Variants in SLCO1B1 observed in about 807,000 individuals in gnomAD.
SLCO1B1 encodes the protein solute carrier organic anion transporter family member 1B1, also known as OATP-2.
A neutral mutation model predicts 70.1 loss-of-function variants in SLCO1B1; 81 were observed. The ratio of observed to expected loss-of-function variants is 1.16; its 90% CI spans 0.97 to 1.39. The LOEUF is 1.39. Among genes scored for constraint, SLCO1B1 ranks in the 40% most tolerant of loss-of-function variants. The pLI, the probability that SLCO1B1 is intolerant of heterozygous loss-of-function variation, is 0.00. For missense variants in SLCO1B1, 895 were observed against 799.6 expected (o/e 1.12, Z -1.44); for synonymous variants, 283 against 271.5 (o/e 1.04, Z -0.42).
intron 2 of SLCO1B1, among the ~76,000 whole-genome samples, chr12:21,155,099 A>ATT (rs11385923): frequency 6.6e-6 from 1 of 151,142 alleles, no homozygotes; most frequent in Non-Finnish European, 1.5e-5. Flanking sequence ...CTCAACCTGC[A>ATT]TTTTTTGTTT....
chr12:21,174,708 T>C lies in SLCO1B1; in HGVS notation c.358T>C (p.Tyr120His). The change falls in exon 4 of 15, where the codon TAT becomes CAT. Residue 120 changes from tyrosine (Y) to histidine (H), a missense_variant and splice_region_variant. Coordinates refer to ENST00000256958, the MANE Select transcript of SLCO1B1 (RefSeq NM_006446.5). ...TGCTTTGCCACATTTCTTCATGGGA[T>C]AGTAAGTGTTAAAAAAAAAAAAAAC... ...LTALPHFFMG[Y>H]YRYSKETNIN... The C allele has an allele frequency of 1.3e-6, 2 of 1,588,712 alleles. No individual in the cohort carries two copies. The highest frequency in any genetic ancestry group is 2.8e-5 in the African/African-American group (2 of 71,542).
At chr12:21,220,122 A>G (rs1022153751) in intron 12 of SLCO1B1, among the ~76,000 whole-genome samples, 3 of 152,156 alleles carry the variant, frequency 2.0e-5, no homozygotes, top group African/African-American at 7.2e-5. Context: ...GTGGCATGTG[A>G]GAAAGATAAT....
intron 7 of SLCO1B1, among the ~76,000 whole-genome samples, chr12:21,191,576 C>T (rs541537083): frequency 3.9e-5 from 6 of 152,128 alleles, no homozygotes; most frequent in African/African-American, 1.2e-4. Context: ...ATGCCATCTG[C>T]AAGTAGAGGC....
intron 8 of SLCO1B1, among the ~76,000 whole-genome samples, chr12:21,197,670 A>C (rs1193646642): frequency 6.6e-6 from 1 of 152,154 alleles, no homozygotes; most frequent in East Asian, 1.9e-4. Context: ...GTGAAATTAA[A>C]CTTAACTATT....
intron 7 of SLCO1B1, among the ~76,000 whole-genome samples, chr12:21,181,690 T>G (rs1007896808): frequency 6.6e-6 from 1 of 152,132 alleles, no homozygotes. Context: ...TAAAATGACA[T>G]CTACCTTCTT....
In SLCO1B1 at chr12:21,172,798, T is replaced by G. The variant is rs1440435874; in HGVS notation, c.226+7T>G. On this transcript the variant is annotated splice_region_variant and intron_variant, in intron 3 of 14. Coordinates refer to ENST00000256958, the MANE Select transcript of SLCO1B1 (RefSeq NM_006446.5). ...GACGGAAGCTTTGAAATTGGTAACA[T>G]TTATTTTCTATTTTAATAACCAAAC... is the stretch of plus-strand genomic sequence containing the variant. The G allele has an allele frequency of 1.2e-6, 2 of 1,610,708 alleles. No homozygotes were observed. The highest frequency in any genetic ancestry group is 1.7e-6 in the Non-Finnish European group (2 of 1,178,216).
intron 2 of SLCO1B1, among the ~76,000 whole-genome samples, chr12:21,158,669 T>G (rs1233864401): frequency 6.6e-6 from 1 of 151,808 alleles, no homozygotes; most frequent in Non-Finnish European, 1.5e-5. Context: ...ACTCCAGCCT[T>G]GGGGGAAGAG....
chr12:21,149,703 T>C (rs1988807), intron 2 of SLCO1B1, among the ~76,000 whole-genome samples: 151,602 of 152,290 alleles, frequency 1, 75,462 homozygotes, highest in Middle Eastern at 1. Flanking sequence ...TCTTTGCCAC[T>C]GGCAGACCAG....
At chr12:21,156,795 G>T (rs1265885555) in intron 2 of SLCO1B1, among the ~76,000 whole-genome samples, 1 of 152,142 alleles carries the variant, frequency 6.6e-6, no homozygotes, top group African/African-American at 2.4e-5. Context: ...CATATTTTAA[G>T]TTCATCTGAA....
At chr12:21,178,353 C>A (rs1591810220) in intron 5 of SLCO1B1, among the ~76,000 whole-genome samples, 1 of 152,172 alleles carries the variant, frequency 6.6e-6, no homozygotes. Context: ...GTCCATTAGA[C>A]CCTTTTCCTT....
At chr12:21,215,188 G>T (rs1156705708) in intron 11 of SLCO1B1, among the ~76,000 whole-genome samples, 1 of 152,172 alleles carries the variant, frequency 6.6e-6, no homozygotes, top group African/African-American at 2.4e-5. Context: ...TTTCCTGATT[G>T]ATCTGTCTAG....
chr12:21,135,207 T>C (rs1940200574), intron 1 of SLCO1B1, among the ~76,000 whole-genome samples: 1 of 151,646 alleles, frequency 6.6e-6, no homozygotes, highest in Non-Finnish European at 1.5e-5. Context: ...AACAGTTTGT[T>C]ATAATTTCTG....
chr12:21,233,371 AGAAGGCCTTCCAAACCAC>A (rs985390893), intron 14 of SLCO1B1, among the ~76,000 whole-genome samples: 1 of 152,158 alleles, frequency 6.6e-6, no homozygotes, highest in African/African-American at 2.4e-5. Context: ...CAAGACAGAC[AGAAGGCCTTCCAAACCAC>A]GACTTCTAAC....
intron 7 of SLCO1B1, among the ~76,000 whole-genome samples, chr12:21,180,319 A>G (rs1011775242): frequency 2.6e-5 from 4 of 152,056 alleles, no homozygotes; most frequent in African/African-American, 9.7e-5. Flanking sequence ...TTTCATTTGC[A>G]TAGTTCTTGA....
In SLCO1B1 at chr12:21,149,924, T is replaced by C. The variant is rs971929321; in HGVS notation, c.84+8266T>C. Reference sequence around the variant, plus strand: ...TCTAGCTCAGTGGATCCCACCCCCATAGAGCCCAGCAAGCTGAGATCCACT... The same window carrying C: ...TCTAGCTCAGTGGATCCCACCCCCACAGAGCCCAGCAAGCTGAGATCCACT... On this transcript the variant is annotated intron_variant, in intron 2 of 14. Transcript: ENST00000256958. Among the ~76,000 whole-genome samples the C allele has an allele frequency of 9.2e-5, 14 of 152,188 alleles. 1 individual carries two copies. The highest frequency in any genetic ancestry group is 3.3e-4 in the Admixed American group (5 of 15,296).
chr12:21,146,847 T>C (rs1343687177), intron 2 of SLCO1B1, among the ~76,000 whole-genome samples: 2 of 152,310 alleles, frequency 1.3e-5, no homozygotes, highest in Non-Finnish European at 2.9e-5. Context: ...TAGGCTGTGG[T>C]ATATATTGGT....
intron 11 of SLCO1B1, among the ~76,000 whole-genome samples, chr12:21,211,100 G>A (rs1391376991): frequency 1.3e-5 from 2 of 152,300 alleles, no homozygotes; most frequent in East Asian, 3.9e-4. Flanking sequence ...ACACTCTGTT[G>A]AATAGGAGTG....
intron 2 of SLCO1B1, among the ~76,000 whole-genome samples, chr12:21,149,533 T>C (rs1204075233): frequency 6.6e-6 from 1 of 152,088 alleles, no homozygotes; most frequent in Non-Finnish European, 1.5e-5. Flanking sequence ...GGTTAGACAG[T>C]GGGTGCAGCC....
chr12:21,134,137 A>G (rs1940180815), intron 1 of SLCO1B1, among the ~76,000 whole-genome samples: 2 of 152,178 alleles, frequency 1.3e-5, no homozygotes, highest in Non-Finnish European at 2.9e-5. Flanking sequence ...GATTACATTT[A>G]TTGATTTGCG....
Sources: gnomAD v4.1 joint callset for allele counts (sites outside exome capture counted in the v4.1 genomes callset) on GRCh38, gnomAD v4.1.1 for gene constraint, MANE v1.5 for transcripts, NCBI Gene and HGNC (gene_info 2026-07-23, HGNC 2026-07-21) for gene names.